Variants in GNB5 observed in about 807,000 individuals in gnomAD.
GNB5 encodes G protein subunit beta 5.
In GNB5, 37 loss-of-function variants were observed where a neutral mutation model predicts 55.3. That is an observed-to-expected ratio of 0.67 (90% CI 0.51 to 0.88). GNB5 has a LOEUF of 0.88. Among genes scored for constraint, GNB5 ranks in the 40% least tolerant of loss-of-function variants. The pLI, the probability that GNB5 is intolerant of heterozygous loss-of-function variation, is 0.00. For synonymous variants in GNB5, 219 were observed against 198.5 expected (o/e 1.10, Z -0.87); for missense variants, 476 against 515.3 (o/e 0.92, Z 0.74).
At chr15:52,142,028 C>T (rs976724133) in intron 6 of GNB5, among the ~76,000 whole-genome samples, 1 of 152,148 alleles carries the variant, frequency 6.6e-6, no homozygotes, top group African/African-American at 2.4e-5. Context: ...TATAGAATGT[C>T]GCATATGGTG....
intron 4 of GNB5, among the ~76,000 whole-genome samples, chr15:52,153,474 G>A (rs1466041358): frequency 6.6e-6 from 1 of 151,948 alleles, no homozygotes; most frequent in Non-Finnish European, 1.5e-5. Flanking sequence ...TTTTTTGGAG[G>A]AATAGATAAC....
At chr15:52,153,575 A>G (rs1344629135) in intron 4 of GNB5, among the ~76,000 whole-genome samples, 5 of 152,244 alleles carry the variant, frequency 3.3e-5, no homozygotes, top group South Asian at 2.1e-4. Context: ...TCTTTATGAC[A>G]TAAGAATTGC....
intron 1 of GNB5, among the ~76,000 whole-genome samples, chr15:52,186,301 A>G (rs1339992837): frequency 6.6e-6 from 1 of 152,204 alleles, no homozygotes; most frequent in African/African-American, 2.4e-5. Context: ...ACAAAGGCCA[A>G]ACAGAGATAA....
At chr15:52,143,435 A>C (rs899429377) in intron 6 of GNB5, among the ~76,000 whole-genome samples, 1 of 152,192 alleles carries the variant, frequency 6.6e-6, no homozygotes, top group African/African-American at 2.4e-5. Flanking sequence ...TTCATCTTTG[A>C]ATTCCAGTAT....
chr15:52,140,237 C>CA, intron 7 of GNB5: 1 of 167,254 alleles, frequency 6.0e-6, no homozygotes, highest in Non-Finnish European at 1.3e-5. Context: ...TAATCTAACT[C>CA]AGACACTTTT....
intron 3 of GNB5, among the ~76,000 whole-genome samples, chr15:52,159,222 G>A (rs2034280136): frequency 6.6e-6 from 1 of 152,156 alleles, no homozygotes; most frequent in African/African-American, 2.4e-5. Flanking sequence ...ATCCCACCGT[G>A]ACAGCAGCCT....
intron 3 of GNB5, among the ~76,000 whole-genome samples, chr15:52,176,509 C>T (rs577446772): frequency 6.6e-6 from 1 of 152,280 alleles, no homozygotes; most frequent in South Asian, 2.1e-4. Context: ...GGGACAAACA[C>T]ACTTAGGAAG....
chr15:52,116,138 TC>T lies in GNB5; in HGVS notation c.*6618del, dbSNP rs1197595035. ...TGCTATGAACATTTGCATTCAAATTTCTGTGTGGACATATGTTTTAATTTCC... is the reference window on the plus strand; with the variant it reads ...TGCTATGAACATTTGCATTCAAATTTTGTGTGGACATATGTTTTAATTTCC... On this transcript the variant is annotated 3_prime_UTR_variant, in exon 13 of 13. Transcript: ENST00000261837. 1 of 152,280 alleles carries T rather than the reference TC, an allele frequency of 6.6e-6. No homozygotes were observed. The highest frequency in any genetic ancestry group is 1.5e-5 in the Non-Finnish European group (1 of 68,048). The allele number at this position is 152,280 out of a possible 1,614,324, so 9.4% of individuals were successfully genotyped here. A position where few individuals can be genotyped will look rare whatever the true frequency, so the allele number is the denominator to read the frequency against.
intron 9 of GNB5, among the ~76,000 whole-genome samples, chr15:52,130,916 G>C (rs28508167): frequency 0.22 from 33,999 of 152,198 alleles, 4,669 homozygotes; most frequent in African/African-American, 0.38. Context: ...ACCTCTGCCT[G>C]CTGGGTTCAA....
chr15:52,158,631 C>A (rs572989854), intron 3 of GNB5, among the ~76,000 whole-genome samples: 1 of 152,020 alleles, frequency 6.6e-6, no homozygotes, highest in Non-Finnish European at 1.5e-5. Context: ...ACTTTCTGAT[C>A]CAAGGAGCTC....
At chr15:52,124,819 T>C (rs1019436645) in intron 11 of GNB5, 180 bp from the exon 12 acceptor site, 1 of 584,454 alleles carries the variant, frequency 1.7e-6, no homozygotes, top group African/African-American at 1.9e-5. Flanking sequence ...TTGGAGGATG[T>C]GGGGCTGAAA....
At chr15:52,142,709 G>T (rs1482690750) in intron 6 of GNB5, among the ~76,000 whole-genome samples, 1 of 152,020 alleles carries the variant, frequency 6.6e-6, no homozygotes, top group African/African-American at 2.4e-5. Flanking sequence ...CTTTCTTTTT[G>T]TAGGGAACAA....
At chr15:52,183,300 T>A (rs530181344) in intron 2 of GNB5, among the ~76,000 whole-genome samples, 5 of 146,000 alleles carry the variant, frequency 3.4e-5, no homozygotes, top group Non-Finnish European at 4.5e-5. Flanking sequence ...GAGGAAGTTG[T>A]TTAAAAAGCA....
At chr15:52,173,134 T>A (rs534266121) in intron 3 of GNB5, among the ~76,000 whole-genome samples, 1 of 152,294 alleles carries the variant, frequency 6.6e-6, no homozygotes, top group Admixed American at 6.5e-5. Flanking sequence ...AAGGGAGACA[T>A]AAAATCAACC....
chr15:52,146,123 AT>A (rs1360926001), intron 6 of GNB5, among the ~76,000 whole-genome samples: 2 of 150,734 alleles, frequency 1.3e-5, no homozygotes. Flanking sequence ...TGCCCGGCTA[AT>A]TTTTTTTTAT....
chr15:52,153,502 A>G (rs2034144010), intron 4 of GNB5, among the ~76,000 whole-genome samples: 1 of 152,192 alleles, frequency 6.6e-6, no homozygotes, highest in Non-Finnish European at 1.5e-5. Context: ...TAATATATAA[A>G]ATAAACTGTA....
intron 6 of GNB5, among the ~76,000 whole-genome samples, chr15:52,145,593 C>T (rs1219269424): frequency 9.2e-5 from 14 of 151,992 alleles, no homozygotes; most frequent in Non-Finnish European, 1.5e-4. Context: ...TGCAGAGAGC[C>T]GAGATCATGC....
At chr15:52,158,669 CTTTTT>C (rs1162468637) in intron 3 of GNB5, among the ~76,000 whole-genome samples, 1 of 150,844 alleles carries the variant, frequency 6.6e-6, no homozygotes, top group Non-Finnish European at 1.5e-5. Flanking sequence ...TTTAAAGTTC[CTTTTT>C]TTTCTTTTCC....
chr15:52,159,367 C>A (rs984984877), intron 3 of GNB5, among the ~76,000 whole-genome samples: 5 of 152,080 alleles, frequency 3.3e-5, no homozygotes, highest in African/African-American at 4.8e-5. Flanking sequence ...CTTTGGCAGC[C>A]CCCTCTCCAG....
Sources: gnomAD v4.1 joint callset for allele counts (sites outside exome capture counted in the v4.1 genomes callset) on GRCh38, gnomAD v4.1.1 for gene constraint, MANE v1.5 for transcripts, NCBI Gene and HGNC (gene_info 2026-07-23, HGNC 2026-07-21) for gene names.